Variants in GRM8 observed in about 807,000 individuals in gnomAD.
GRM8 encodes metabotropic glutamate receptor 8.
A neutral mutation model predicts 87.2 loss-of-function variants in GRM8; 47 were observed. That is an observed-to-expected ratio of 0.54 (90% confidence interval 0.43 to 0.69). The LOEUF (loss-of-function observed/expected upper bound fraction) is 0.69, where lower values mean the gene tolerates loss of function less well. Among genes scored for constraint, GRM8 ranks in the 30% least tolerant of loss-of-function variants. The probability of loss-of-function intolerance (pLI) is 0.00; values close to 1 mark genes in which losing one functional copy is unlikely to be tolerated. For missense variants in GRM8, 1,019 were observed against 1,139.2 expected, an observed-to-expected ratio of 0.89 and a Z score of 1.52; for synonymous variants, 396 against 404.5, an observed-to-expected ratio of 0.98 and a Z score of 0.25.
At chr7:127,000,471 T>C (rs917160614) in intron 3 of GRM8, among the ~76,000 whole-genome samples, 1 of 151,710 alleles carries the variant, frequency 6.6e-6, no homozygotes, top group East Asian at 1.9e-4. Context: ...ACGATATACA[T>C]TGCATGCCTG....
At chr7:126,706,542 C>T (rs1435139098) in intron 7 of GRM8, among the ~76,000 whole-genome samples, 1 of 152,132 alleles carries the variant, frequency 6.6e-6, no homozygotes, top group African/African-American at 2.4e-5. Context: ...AGGCCCATAA[C>T]ATTAGGAAGA....
rs750455996 is a variant in GRM8 at position 126,770,020 on chromosome 7, T to C, written c.1202A>G (p.Lys401Arg). The C allele has an allele frequency of 6.2e-6, 10 of 1,612,762 alleles. No homozygotes were observed. The African/African-American group carries it at 9.3e-5, about 15-fold the overall frequency. ...ARDSSYEQEG[K>R]VQFVIDAVYS... is the part of the protein sequence containing the mutation. Reference sequence around the variant, plus strand: ...TACAGCATCAATTACAAATTGGACCTTTCCTTCCTGTTCATAAGATGAATC... The same window carrying C: ...TACAGCATCAATTACAAATTGGACCCTTCCTTCCTGTTCATAAGATGAATC... The change falls in exon 7 of 11, where the codon AAG becomes AGG. Residue 401 changes from lysine (K) to arginine (R), a missense_variant. By Grantham distance (26) the Lys-to-Arg change is conservative (BLOSUM62 2). Transcript: ENST00000339582.
At chr7:126,534,091 T>C (rs1815298230) in intron 8 of GRM8, among the ~76,000 whole-genome samples, 1 of 152,006 alleles carries the variant, frequency 6.6e-6, no homozygotes, top group African/African-American at 2.4e-5. Context: ...CCTCATCAAC[T>C]TGATGAGTGT....
chr7:126,714,342 A>AAGTGCTT (rs1811487336), intron 7 of GRM8, among the ~76,000 whole-genome samples: 1 of 150,288 alleles, frequency 6.7e-6, no homozygotes, highest in Non-Finnish European at 1.5e-5. Context: ...TCTACCTACA[A>AAGTGCTT]AGTGCTTACT....
chr7:126,871,920 CTAAAA>C (rs1799133745), intron 6 of GRM8, among the ~76,000 whole-genome samples: 1 of 152,172 alleles, frequency 6.6e-6, no homozygotes, highest in South Asian at 2.1e-4. Context: ...TGATCATAAA[CTAAAA>C]TACTTTTAAT....
At chr7:126,769,678 A>G (rs1164737936) in intron 7 of GRM8, among the ~76,000 whole-genome samples, 187 bp downstream of exon 7, 3 of 152,116 alleles carry the variant, frequency 2.0e-5, no homozygotes, top group African/African-American at 7.2e-5. Context: ...TCACGCATAG[A>G]TTAATGGTAG....
At chr7:127,021,664 CT>C (rs1816280979) in intron 3 of GRM8, among the ~76,000 whole-genome samples, 1 of 152,044 alleles carries the variant, frequency 6.6e-6, no homozygotes, top group Non-Finnish European at 1.5e-5. Flanking sequence ...CAATACACAT[CT>C]GTGATGTCAC....
intron 3 of GRM8, among the ~76,000 whole-genome samples, chr7:126,954,269 T>G (rs959418846): frequency 2.0e-5 from 3 of 152,066 alleles, no homozygotes; most frequent in Non-Finnish European, 4.4e-5. Context: ...CATGGCAAGG[T>G]CATAAATCTC....
At chr7:126,648,103 T>C (rs1803376096) in intron 7 of GRM8, among the ~76,000 whole-genome samples, 1 of 152,118 alleles carries the variant, frequency 6.6e-6, no homozygotes, top group South Asian at 2.1e-4. Flanking sequence ...CTTTTCTGTT[T>C]TGGGACCTTT....
At chr7:126,491,003 A>G (rs1807941128) in intron 9 of GRM8, among the ~76,000 whole-genome samples, 1 of 152,104 alleles carries the variant, frequency 6.6e-6, no homozygotes, top group Non-Finnish European at 1.5e-5. Context: ...CTTTTATGGT[A>G]ATTTTGTCAA....
At chr7:126,965,906 G>C (rs1481187001) in intron 3 of GRM8, among the ~76,000 whole-genome samples, 2 of 150,130 alleles carry the variant, frequency 1.3e-5, no homozygotes, top group Non-Finnish European at 1.5e-5. Flanking sequence ...TTTTTTTCTT[G>C]CCAGACTGTG....
At chr7:126,721,095 G>A (rs971235565) in intron 7 of GRM8, among the ~76,000 whole-genome samples, 1 of 152,180 alleles carries the variant, frequency 6.6e-6, no homozygotes, top group African/African-American at 2.4e-5. Flanking sequence ...GGATATACCT[G>A]TCTTTAAAAT....
At chr7:126,976,460 G>A (rs1810996406) in intron 3 of GRM8, among the ~76,000 whole-genome samples, 1 of 152,114 alleles carries the variant, frequency 6.6e-6, no homozygotes, top group South Asian at 2.1e-4. Flanking sequence ...TGAGCATGGT[G>A]GTGGGCATCT....
intron 3 of GRM8, among the ~76,000 whole-genome samples, chr7:127,064,747 C>G (rs1379315969): frequency 1.3e-5 from 2 of 151,978 alleles, no homozygotes; most frequent in Non-Finnish European, 2.9e-5. Context: ...ATAAATGTGG[C>G]CAACAAGGAT....
intron 7 of GRM8, among the ~76,000 whole-genome samples, chr7:126,768,381 A>AAAAAAAAAAAAAAAT (rs1818443964): frequency 6.7e-6 from 1 of 148,530 alleles, no homozygotes; most frequent in African/African-American, 2.5e-5. Flanking sequence ...AAAAAAAAAA[A>AAAAAAAAAAAAAAAT]GTGGACAGAA....
At chr7:126,827,425 T>A (rs972660471) in intron 6 of GRM8, among the ~76,000 whole-genome samples, 1 of 152,232 alleles carries the variant, frequency 6.6e-6, no homozygotes, top group Non-Finnish European at 1.5e-5. Flanking sequence ...GAAGAGGTCC[T>A]TCACGTCCCT....
chr7:126,952,094 A>G (rs1300042066), intron 3 of GRM8, among the ~76,000 whole-genome samples: 1 of 151,990 alleles, frequency 6.6e-6, no homozygotes, highest in African/African-American at 2.4e-5. Context: ...GAGGAAAAAA[A>G]TAAGCTTAGA....
At chr7:126,668,190 C>T (rs1230807842) in intron 7 of GRM8, among the ~76,000 whole-genome samples, 2 of 152,046 alleles carry the variant, frequency 1.3e-5, no homozygotes, top group Non-Finnish European at 2.9e-5. Context: ...TCCCTGTTTA[C>T]CCCCCTTTCT....
chr7:126,767,098 T>C (rs1818277929), intron 7 of GRM8, among the ~76,000 whole-genome samples: 1 of 152,166 alleles, frequency 6.6e-6, no homozygotes, highest in Non-Finnish European at 1.5e-5. Context: ...TCTTGTTTTT[T>C]AACAGATTGA....
Sources: gnomAD v4.1 joint callset for allele counts (sites outside exome capture counted in the v4.1 genomes callset) on GRCh38, gnomAD v4.1.1 for gene constraint, MANE v1.5 for transcripts, NCBI Gene and HGNC (gene_info 2026-07-23, HGNC 2026-07-21) for gene names.